Variants in RGS9 observed in about 807,000 individuals in gnomAD.
RGS9 encodes regulator of G protein signaling 9.
Under a neutral mutation model 102.0 loss-of-function variants are expected in RGS9, and 78 were observed. That is an observed-to-expected ratio of 0.76 (90% CI 0.64 to 0.92). The LOEUF (loss-of-function observed/expected upper bound fraction) is 0.92, where lower values mean the gene tolerates loss of function less well. Ranked by LOEUF, RGS9 falls within the 40% of genes least tolerant of loss-of-function variation. RGS9 has a pLI of 0.00. For missense variants in RGS9, 833 were observed against 866.1 expected (o/e 0.96, Z 0.48); for synonymous variants, 353 against 318.6 (o/e 1.11, Z -1.15).
chr17:65,206,662 G>A (rs1010236880), intron 15 of RGS9, among the ~76,000 whole-genome samples: 3 of 152,152 alleles, frequency 2.0e-5, no homozygotes, highest in African/African-American at 7.2e-5. Context: ...GGGCGAAAGA[G>A]TGAAACTCCG....
rs373346845 is a variant in RGS9 at position 65,153,433 on chromosome 17, C to T, written c.69C>T (p.Leu23=). ...GTTCTGTCTTGCAGATTGAAGCGCT[C>T]GTGAAGGACATGCAGAACCCAGAGA... ...RMAFLQKIEA[L]VKDMQNPETG... The change falls in exon 2 of 19, where the codon CTC becomes CTT. Residue 23 remains leucine, a synonymous_variant. Coordinates refer to ENST00000262406, the MANE Select transcript of RGS9 (RefSeq NM_003835.4). 8.9e-5 allele frequency: 143 copies of T among 1,613,940 alleles called. 2 individuals are homozygous for T. The South Asian group carries it at 1.1e-3, about 12-fold the overall frequency.
At chr17:65,152,780 C>A (rs1387663838) in intron 1 of RGS9, among the ~76,000 whole-genome samples, 2 of 152,250 alleles carry the variant, frequency 1.3e-5, no homozygotes, top group African/African-American at 2.4e-5. Context: ...ATCCTCCCGC[C>A]TCTGCCTCCC....
chr17:65,205,796 G>A (rs1304662664), intron 15 of RGS9, among the ~76,000 whole-genome samples: 1 of 147,810 alleles, frequency 6.8e-6, no homozygotes, highest in African/African-American at 2.7e-5. Context: ...TATAGATTAT[G>A]TAATATAGGT....
chr17:65,171,816 G>C (rs1911431548), intron 8 of RGS9, among the ~76,000 whole-genome samples: 1 of 152,240 alleles, frequency 6.6e-6, no homozygotes, highest in Admixed American at 6.5e-5. Context: ...ACAGATCTGA[G>C]CACGATGCAA....
intron 7 of RGS9, among the ~76,000 whole-genome samples, chr17:65,165,516 A>G (rs1911142721): frequency 6.6e-6 from 1 of 152,162 alleles, no homozygotes; most frequent in Non-Finnish European, 1.5e-5. Flanking sequence ...CAAGTTCCAC[A>G]CTCAGCACCC....
rs748623664 is a variant in RGS9, at chr17:65,160,229, C to A, written c.206-4C>A. On this transcript the variant is annotated splice_region_variant and splice_polypyrimidine_tract_variant and intron_variant, in intron 3 of 18. Coordinates refer to ENST00000262406, the MANE Select transcript of RGS9 (RefSeq NM_003835.4). ...AACATCCATGTCTGAACTGCTTTTC[C>A]CAGAGGCACAGAACTTGGGCAACTT... 1.8e-5 allele frequency: 29 copies of A among 1,611,390 alleles called. No homozygotes were observed.
intron 8 of RGS9, among the ~76,000 whole-genome samples, chr17:65,169,280 G>A (rs560853953): frequency 1.3e-5 from 2 of 152,308 alleles, no homozygotes; most frequent in South Asian, 4.1e-4. Context: ...TGTTGCTGAG[G>A]TTAAGGTGCT....
At position 65,160,285 on chromosome 17, in the gene RGS9, G is replaced by A; in HGVS notation, c.258G>A (p.Leu86=). 1 of 1,614,212 alleles carries A rather than the reference G, an allele frequency of 6.2e-7. No individual in the cohort carries two copies. Among genetic ancestry groups the A allele is most frequent in the Non-Finnish European group, 8.5e-7 (1 of 1,180,040 alleles). ...FIVRYGYIYP[L]QDPKNLILKP... ...TCAGGTATGGCTACATTTACCCCCT[G>A]CAAGACCCCAAGAATCTCATTCTCA... Residue 86 remains leucine (L), a synonymous_variant, in exon 4 of 19, where the codon CTG becomes CTA. Coordinates refer to ENST00000262406, the MANE Select transcript of RGS9 (RefSeq NM_003835.4).
chr17:65,166,671 G>A (rs900004589), intron 7 of RGS9, among the ~76,000 whole-genome samples: 2 of 152,204 alleles, frequency 1.3e-5, no homozygotes, highest in African/African-American at 4.8e-5. Context: ...CAGAAAAGCA[G>A]AAGAGCAAAG....
chr17:65,147,866 C>T (rs1910430262), intron 1 of RGS9, among the ~76,000 whole-genome samples: 1 of 152,100 alleles, frequency 6.6e-6, no homozygotes, highest in African/African-American at 2.4e-5. Flanking sequence ...GCAGGGATTA[C>T]AGGCATGAGC....
intron 17 of RGS9, among the ~76,000 whole-genome samples, chr17:65,219,795 C>A (rs987625718): frequency 6.6e-6 from 1 of 152,178 alleles, no homozygotes; most frequent in Non-Finnish European, 1.5e-5. Flanking sequence ...TCACCACCAT[C>A]ATCATTGTCA....
At chr17:65,157,919 A>G (rs77474798) in intron 2 of RGS9, among the ~76,000 whole-genome samples, 7,575 of 150,758 alleles carry the variant, frequency 0.05, 646 homozygotes, top group African/African-American at 0.17. Context: ...GTGTGTGTGT[A>G]TGTGTGTGTG....
chr17:65,211,586 A>G (rs1913303534), intron 17 of RGS9, among the ~76,000 whole-genome samples: 1 of 150,984 alleles, frequency 6.6e-6, no homozygotes, highest in Non-Finnish European at 1.5e-5. Context: ...TGTGGTCAGG[A>G]CTGGGGGAGA....
intron 17 of RGS9, among the ~76,000 whole-genome samples, chr17:65,221,067 G>A (rs1394931644): frequency 2.0e-5 from 3 of 152,196 alleles, no homozygotes; most frequent in African/African-American, 7.2e-5. Flanking sequence ...TTGTGGGAAC[G>A]GGTGGAAAAG....
intron 17 of RGS9, among the ~76,000 whole-genome samples, chr17:65,214,947 G>A (rs926094544): frequency 1.1e-4 from 17 of 152,220 alleles, no homozygotes; most frequent in African/African-American, 4.1e-4. Flanking sequence ...ACCTCTGTCT[G>A]TGAATGCTGC....
rs750626413 is a variant in RGS9 at position 65,158,310 on chromosome 17, A to G, written c.170A>G (p.Gln57Arg). Reference sequence around the variant, plus strand: ...TGTTTTTCAGGAAGTGATGTTCTGCAATGGATCGTCCAGCGGCTTTGGATC... The same window carrying G: ...TGTTTTTCAGGAAGTGATGTTCTGCGATGGATCGTCCAGCGGCTTTGGATC... ...PHAMTGSDVLQWIVQRLWISS... is the reference protein window; with the variant it reads ...PHAMTGSDVLRWIVQRLWISS... The change falls in exon 3 of 19, where the codon CAA becomes CGA. Residue 57 changes from glutamine (Q) to arginine (R), a missense_variant. By Grantham distance (43) the Gln-to-Arg change is conservative. Transcript: ENST00000262406. 21 of 1,614,082 alleles carry G rather than the reference A, an allele frequency of 1.3e-5. No homozygotes were observed. Among genetic ancestry groups the G allele is most frequent in the Non-Finnish European group, 8.5e-7 (1 of 1,180,032 alleles).
intron 17 of RGS9, among the ~76,000 whole-genome samples, chr17:65,210,875 G>A (rs1039985633): frequency 1.3e-5 from 2 of 152,150 alleles, no homozygotes; most frequent in East Asian, 1.9e-4. Flanking sequence ...GGGCGAAGGC[G>A]GTGGGTGGGA....
intron 7 of RGS9, among the ~76,000 whole-genome samples, chr17:65,167,057 T>G (rs1434055035): frequency 6.6e-6 from 1 of 151,966 alleles, no homozygotes; most frequent in Non-Finnish European, 1.5e-5. Flanking sequence ...CGGGTCTCCG[T>G]GGAAATGGTA....
intron 18 of RGS9, among the ~76,000 whole-genome samples, chr17:65,226,045 C>T (rs1231250469): frequency 6.6e-6 from 1 of 152,182 alleles, no homozygotes; most frequent in East Asian, 1.9e-4. Context: ...AGTGCGTAGC[C>T]TTTGCCTGAG....
Sources: gnomAD v4.1 joint callset for allele counts (sites outside exome capture counted in the v4.1 genomes callset) on GRCh38, gnomAD v4.1.1 for gene constraint, MANE v1.5 for transcripts, NCBI Gene and HGNC (gene_info 2026-07-23, HGNC 2026-07-21) for gene names.